ALB: variants seen among roughly 807,000 people sequenced by gnomAD.
The protein encoded by ALB is albumin, also known as serum albumin.
ALB carries 37 observed loss-of-function variants against 74.5 expected under a neutral mutation model. The observed-to-expected ratio is 0.50, with a 90% CI of 0.38 to 0.65. ALB has a LOEUF of 0.65. Ranked by LOEUF, ALB falls within the 30% of genes least tolerant of loss-of-function variation. The pLI is 0.00. For missense variants in ALB, 685 were observed against 718.7 expected (o/e 0.95, Z 0.54); for synonymous variants, 249 against 251.6 (o/e 0.99, Z 0.10).
chr4:73,409,560 G>A, intron 5 of ALB, 73 bp downstream of exon 5: 1 of 1,591,294 alleles, frequency 6.3e-7, no homozygotes. Flanking sequence ...GCTAGATTTA[G>A]GGAACCTGAG....
chr4:73,413,952 TCTATA>T (rs1718946408), intron 8 of ALB, among the ~76,000 whole-genome samples: 1 of 152,234 alleles, frequency 6.6e-6, no homozygotes, highest in African/African-American at 2.4e-5. Context: ...TTCTTGAACA[TCTATA>T]ATATATGTGT....
intron 5 of ALB, 55 bp from the exon 6 acceptor site, chr4:73,410,257 G>T (rs1718837310): frequency 1.1e-5 from 15 of 1,337,714 alleles, no homozygotes; most frequent in Non-Finnish European, 1.4e-5. Context: ...CTTATGGAGG[G>T]GTGTTTCATG....
At chr4:73,420,875 AT>A (rs1475222716) in intron 14 of ALB, 12 of 439,148 alleles carry the variant, frequency 2.7e-5, no homozygotes, top group Non-Finnish European at 4.8e-5. Context: ...CTGAGCTTTA[AT>A]AGGACTTATC....
chr4:73,411,230 C>T (rs1446136757), intron 6 of ALB, among the ~76,000 whole-genome samples: 1 of 126,060 alleles, frequency 7.9e-6, no homozygotes, highest in African/African-American at 3.0e-5. Context: ...CCAAAATCAA[C>T]CAAATTTATG....
intron 2 of ALB, 109 bp from the exon 3 acceptor site, chr4:73,406,520 A>G: frequency 9.5e-7 from 1 of 1,054,034 alleles, no homozygotes; most frequent in Non-Finnish European, 1.4e-6. Context: ...GGTGAAGAAG[A>G]TGTATAAAAG....
chr4:73,420,713 C>G (rs1577943275), intron 14 of ALB: 2 of 271,278 alleles, frequency 7.4e-6, no homozygotes, highest in Admixed American at 9.9e-5. Context: ...TGAAAGAGTG[C>G]TTTATAGGGC....
chr4:73,411,139 T>C (rs1718864187), intron 6 of ALB, among the ~76,000 whole-genome samples: 1 of 152,066 alleles, frequency 6.6e-6, no homozygotes, highest in South Asian at 2.1e-4. Context: ...GGAAATAAAA[T>C]GAAAATAATA....
At chr4:73,406,797 G>C (rs1292537468) in intron 3 of ALB, 36 bp downstream of exon 3, 1 of 1,611,794 alleles carries the variant, frequency 6.2e-7, no homozygotes, top group African/African-American at 1.3e-5. Flanking sequence ...TCTTTCTTCT[G>C]TTTGAAGTAA....
Position 73,413,501 on chromosome 4 carries a change from G to C in ALB, c.925G>C (p.Glu309Gln). 1 of 1,614,146 alleles carries C rather than the reference G, an allele frequency of 6.2e-7. No homozygotes were observed. The highest frequency in any genetic ancestry group is 8.5e-7 in the Non-Finnish European group (1 of 1,180,018). Reference sequence around the variant, plus strand: ...GGAATGCTGTGAAAAACCTCTGTTGGAAAAATCCCACTGCATTGCCGAAGT... The same window carrying C: ...GGAATGCTGTGAAAAACCTCTGTTGCAAAAATCCCACTGCATTGCCGAAGT... The part of the protein sequence containing the change: ...LKECCEKPLL[E>Q]KSHCIAEVEN... Residue 309 changes from glutamate (E) to glutamine (Q), a missense_variant, in exon 8 of 15, where the codon GAA (glutamate) becomes CAA (glutamine). Coordinates refer to ENST00000295897, the MANE Select transcript of ALB (RefSeq NM_000477.7).
Position 73,418,294 on chromosome 4 carries a change from A to G in ALB, c.1635A>G (p.Arg545=), listed in dbSNP as rs1577941917. The change falls in exon 12 of 15, where the codon AGA becomes AGG. Residue 545 remains arginine (R), a synonymous_variant. Transcript: ENST00000295897. ...ADICTLSEKE[R]QIKKQTALVE... ...TATGCACACTTTCTGAGAAGGAGAG[A>G]CAAATCAAGAAACAAACGTGAGGAG... The G allele has an allele frequency of 6.2e-7, 1 of 1,613,496 alleles. No individual in the cohort carries two copies. The highest frequency in any genetic ancestry group is 8.5e-7 in the Non-Finnish European group (1 of 1,179,594).
At chr4:73,414,482 A>C (rs1343281448) in intron 8 of ALB, among the ~76,000 whole-genome samples, 2 of 152,152 alleles carry the variant, frequency 1.3e-5, no homozygotes, top group African/African-American at 4.8e-5. Context: ...TTATTTTTTG[A>C]GACAGAGTTT....
In ALB at chr4:73,419,597, G is replaced by A; in HGVS notation, c.1743G>A (p.Lys581=). 1 of 1,613,920 alleles carries A rather than the reference G, an allele frequency of 6.2e-7. No homozygotes were observed. The highest frequency in any genetic ancestry group is 8.5e-7 in the Non-Finnish European group (1 of 1,179,946). ...VMDDFAAFVE[K]CCKADDKETC... is the part of the protein sequence containing the mutation. Reference sequence around the variant, plus strand: ...ATGATTTCGCAGCTTTTGTAGAGAAGTGCTGCAAGGCTGACGATAAGGAGA... The same window carrying A: ...ATGATTTCGCAGCTTTTGTAGAGAAATGCTGCAAGGCTGACGATAAGGAGA... Residue 581 remains lysine (K), a synonymous_variant, in exon 13 of 15, where the codon AAG becomes AAA. Transcript: ENST00000295897.
intron 2 of ALB, among the ~76,000 whole-genome samples, chr4:73,405,907 C>T (rs1383892176): frequency 6.6e-6 from 1 of 151,574 alleles, no homozygotes. Flanking sequence ...GTTTTTTAAT[C>T]TAGTAAAAAA....
At chr4:73,410,501 G>A in intron 6 of ALB, 92 bp downstream of exon 6, 1 of 974,784 alleles carries the variant, frequency 1.0e-6, no homozygotes, top group Non-Finnish European at 1.6e-6. Context: ...ATTTTGCAAA[G>A]TGCTGTCAAA....
Position 73,418,121 on chromosome 4 carries a change from C to T in ALB, c.1462C>T (p.His488Tyr). 6.2e-7 allele frequency: 1 copy of T among 1,614,106 alleles called. No homozygotes were observed. Among genetic ancestry groups the T allele is most frequent in the African/African-American group, 1.3e-5 (1 of 75,030 alleles). Residue 488 changes from histidine to tyrosine, a missense_variant, in exon 12 of 15, where the codon CAT becomes TAT. Transcript: ENST00000295897. The part of the protein sequence containing the change: ...SVVLNQLCVL[H>Y]EKTPVSDRVT... ...GGTCCTGAACCAGTTATGTGTGTTG[C>T]ATGAGAAAACGCCAGTAAGTGACAG...
intron 13 of ALB, 56 bp from the exon 14 acceptor site, chr4:73,420,198 G>T: frequency 1.4e-6 from 2 of 1,462,114 alleles, no homozygotes; most frequent in Non-Finnish European, 1.9e-6. Context: ...TGTTAATTTT[G>T]TATCCTAATA....
chr4:73,405,306 A>T (rs1718692869), intron 2 of ALB, 133 bp downstream of exon 2: 1 of 754,436 alleles, frequency 1.3e-6, no homozygotes, highest in African/African-American at 1.8e-5. Context: ...TTCTGCGTTG[A>T]GGAAGATATT....
At chr4:73,409,529 C>T (rs1718818668) in intron 5 of ALB, 42 bp downstream of exon 5, 1 of 1,613,052 alleles carries the variant, frequency 6.2e-7, no homozygotes, top group African/African-American at 1.3e-5. Context: ...CATTATCCAA[C>T]CTGATTTTGT....
At position 73,411,854 on chromosome 4, in the gene ALB, G is replaced by T. The variant is rs1326157611; in HGVS notation, c.714-142G>T. The T allele has an allele frequency of 8.7e-6, 9 of 1,033,850 alleles. No homozygotes were observed. The Admixed American group carries it at 1.6e-4, about 18-fold the overall frequency. 64.0% of individuals were successfully genotyped at this position (1,033,850 alleles called of 1,614,324 possible). ...CCTAAGGATAAGTGATTACCATTTG[G>T]TTCAGAACTAGAACTAATGAATTTT... On this transcript the variant is annotated intron_variant, in intron 6 of 14. Transcript: ENST00000295897.
Sources: gnomAD v4.1 joint callset for allele counts (sites outside exome capture counted in the v4.1 genomes callset) on GRCh38, gnomAD v4.1.1 for gene constraint, MANE v1.5 for transcripts, NCBI Gene and HGNC (gene_info 2026-07-23, HGNC 2026-07-21) for gene names.